Variants in MKRN1 observed in about 807,000 individuals in gnomAD.
MKRN1 encodes E3 ubiquitin-protein ligase makorin-1.
Under a neutral mutation model 55.5 loss-of-function variants are expected in MKRN1, and 9 were observed. That is an observed-to-expected ratio of 0.16 (90% CI 0.10 to 0.28). The LOEUF is 0.28. Among genes scored for constraint, MKRN1 ranks in the 10% least tolerant of loss-of-function variants. The pLI is 1.00. For synonymous variants in MKRN1, 253 were observed against 235.9 expected, an observed-to-expected ratio of 1.07 and a Z score of -0.66; for missense variants, 488 against 626.7, an observed-to-expected ratio of 0.78 and a Z score of 2.36.
chr7:140,462,195 CT>C (rs1297401083), intron 2 of MKRN1, among the ~76,000 whole-genome samples: 2 of 151,886 alleles, frequency 1.3e-5, no homozygotes, highest in African/African-American at 4.8e-5. Context: ...GCTGGTCTAA[CT>C]TTTTTTATTT....
intron 2 of MKRN1, among the ~76,000 whole-genome samples, chr7:140,466,810 C>CAAAAAAAAAAAAAAAAAAAA (rs563645827): frequency 1.1e-5 from 1 of 87,188 alleles, no homozygotes; most frequent in Non-Finnish European, 2.1e-5. Flanking sequence ...GACTCCGTCT[C>CAAAAAAAAAAAAAAAAAAAA]AAAAAAAAAA....
chr7:140,479,269 C>G lies in MKRN1; in HGVS notation c.76G>C (p.Ala26Pro), dbSNP rs917617233. 7.2e-7 allele frequency: 1 copy of G among 1,393,586 alleles called. No individual in the cohort carries two copies. The highest frequency in any genetic ancestry group is 9.3e-7 in the Non-Finnish European group (1 of 1,074,614). 86.3% of individuals were successfully genotyped at this position (1,393,586 alleles called of 1,614,324 possible). ...ACTGTGGGGATCGGGGTGGGGGAGG[C>G]TGCTGCCGCCGTCGCCGCTGCCGCT... ...AGAAAATAAA[A>P]SPTPIPTVTA... Residue 26 changes from alanine (A) to proline (P), a missense_variant, in exon 1 of 8, where the codon GCC becomes CCC. By Grantham distance (27) the Ala-to-Pro change is conservative. Coordinates refer to ENST00000255977, the MANE Select transcript of MKRN1 (RefSeq NM_013446.4).
At chr7:140,457,038 TTTTTTG>T (rs1003124428) in intron 4 of MKRN1, 172 bp from the exon 5 acceptor site, 10 of 684,856 alleles carry the variant, frequency 1.5e-5, no homozygotes, top group African/African-American at 1.3e-4. Flanking sequence ...GTGGTGTTTT[TTTTTTG>T]TTTGTTTGTT....
chr7:140,465,858 G>C (rs752680880), intron 2 of MKRN1, among the ~76,000 whole-genome samples: 1 of 152,182 alleles, frequency 6.6e-6, no homozygotes, highest in East Asian at 1.9e-4. Flanking sequence ...GAGGTGGGCG[G>C]ATCAGGAGGT....
chr7:140,467,220 T>C (rs1172487174), intron 2 of MKRN1, among the ~76,000 whole-genome samples: 1 of 152,068 alleles, frequency 6.6e-6, no homozygotes, highest in East Asian at 1.9e-4. Context: ...GTGATCCTCC[T>C]GTCTCAGCCT....
At chr7:140,471,187 C>T (rs1794912262) in intron 2 of MKRN1, among the ~76,000 whole-genome samples, 2 of 152,042 alleles carry the variant, frequency 1.3e-5, no homozygotes, top group African/African-American at 4.8e-5. Context: ...AATCTGAGAC[C>T]AGCCTACGCA....
chr7:140,459,120 C>T lies in MKRN1; in HGVS notation c.658G>A (p.Gly220Arg). 1 of 1,613,976 alleles carries T rather than the reference C, an allele frequency of 6.2e-7. No individual in the cohort carries two copies. The highest frequency in any genetic ancestry group is 8.5e-7 in the Non-Finnish European group (1 of 1,179,872). The change falls in exon 4 of 8, where the codon GGA (glycine) becomes AGA (arginine). Residue 220 changes from glycine (G) to arginine (R), a missense_variant. Gly to Arg is a moderately radical substitution (Grantham distance 125). Around this residue, in one of 2 missense-constraint regions of MKRN1, gnomAD observed 278 missense variants for 406.7 expected, o/e 0.68. Coordinates refer to ENST00000255977, the MANE Select transcript of MKRN1 (RefSeq NM_013446.4). ...CAGTTCTCCCCGTATCGGCACTCTC[C>T]CACTGCAGCATAGGGGCACAGCTGC... ...KKQLCPYAAV[G>R]ECRYGENCVY... is the part of the protein sequence containing the mutation.
At position 140,454,366 on chromosome 7, in the gene MKRN1, G is replaced by A; in HGVS notation, c.*151C>T. 7.5e-6 allele frequency: 5 copies of A among 669,748 alleles called. No homozygotes were observed. The highest frequency in any genetic ancestry group is 1.8e-5 in the African/African-American group (1 of 55,382). The allele number at this position is 669,748 out of a possible 1,614,324, so 41.5% of individuals were successfully genotyped here. A position where few individuals can be genotyped will look rare whatever the true frequency, so the allele number is the denominator to read the frequency against. ...ACACACTCCTCAGGGAAAGGTGAGG[G>A]GTTGAGAAGACAGGCCCTGGGTAAA... is the stretch of plus-strand genomic sequence containing the variant. On this transcript the variant is annotated 3_prime_UTR_variant, in exon 8 of 8. Coordinates refer to ENST00000255977, the MANE Select transcript of MKRN1 (RefSeq NM_013446.4).
At chr7:140,471,756 C>T (rs1794933410) in intron 2 of MKRN1, 127 bp downstream of exon 2, 5 of 1,310,296 alleles carry the variant, frequency 3.8e-6, no homozygotes, top group Non-Finnish European at 5.2e-6. Context: ...AGGCATGAGC[C>T]ACTGCCCAGC....
intron 2 of MKRN1, among the ~76,000 whole-genome samples, chr7:140,464,103 G>C (rs1044364017): frequency 1.3e-5 from 2 of 151,870 alleles, no homozygotes; most frequent in Non-Finnish European, 2.9e-5. Flanking sequence ...ATTTTTAGTA[G>C]AGACGGGGTT....
At chr7:140,473,960 C>G (rs1585495592) in intron 1 of MKRN1, 2 of 142,262 alleles carry the variant, frequency 1.4e-5, no homozygotes, top group South Asian at 2.3e-4. Context: ...TCACTGCACT[C>G]TAGCCTGGGC....
chr7:140,458,181 A>G lies in MKRN1; in HGVS notation c.771+826T>C, dbSNP rs537084554. Among the ~76,000 whole-genome samples the G allele has an allele frequency of 5.4e-4, 82 of 152,324 alleles. No homozygotes were observed. The South Asian group carries it at 0.017, about 32-fold the overall frequency. On this transcript the variant is annotated intron_variant, in intron 4 of 7. Transcript: ENST00000255977. ...ATTCCACTCCTAGGTAACGGAAAACATATCTTCACAGAAAAACCTATATAC... is the reference window on the plus strand; with the variant it reads ...ATTCCACTCCTAGGTAACGGAAAACGTATCTTCACAGAAAAACCTATATAC...
At chr7:140,464,675 A>G (rs1794720449) in intron 2 of MKRN1, among the ~76,000 whole-genome samples, 1 of 152,132 alleles carries the variant, frequency 6.6e-6, no homozygotes, top group Admixed American at 6.6e-5. Context: ...ATTGCACTCC[A>G]GCCTGGGCAA....
intron 4 of MKRN1, among the ~76,000 whole-genome samples, chr7:140,457,735 G>A (rs967332011): frequency 1.3e-5 from 2 of 151,990 alleles, no homozygotes; most frequent in Admixed American, 6.6e-5. Flanking sequence ...CACTGCAGAA[G>A]AGCAATGTCA....
At chr7:140,455,325 G>C (rs775089031) in intron 6 of MKRN1, 92 bp from the exon 7 acceptor site, 1 of 1,492,956 alleles carries the variant, frequency 6.7e-7, no homozygotes, top group Non-Finnish European at 9.1e-7. Context: ...GGTAGGGATA[G>C]AACCAGTATG....
chr7:140,453,895 C>CA lies in MKRN1; in HGVS notation c.*621dup, dbSNP rs1794397429. 1 of 151,576 alleles carries CA rather than the reference C, an allele frequency of 6.6e-6. No homozygotes were observed. The highest frequency in any genetic ancestry group is 2.7e-5 in the African/African-American group (1 of 37,602). The allele number at this position is 151,576 out of a possible 1,614,324, so 9.4% of individuals were successfully genotyped here. On this transcript the variant is annotated 3_prime_UTR_variant, in exon 8 of 8. Transcript: ENST00000255977. ...ACGTATTCTTTCTCAATTTTCCTAT[C>CA]ATGCAAAACAGTAAAAAATCTCAAC... is the stretch of plus-strand genomic sequence containing the variant.
intron 1 of MKRN1, chr7:140,473,451 G>T (rs1225137237): frequency 4.0e-6 from 1 of 250,972 alleles, no homozygotes; most frequent in African/African-American, 2.3e-5. Flanking sequence ...AAGGGTACAA[G>T]AGAACCAAAC....
chr7:140,454,502 C>T lies in MKRN1; in HGVS notation c.*15G>A, dbSNP rs201197588. On this transcript the variant is annotated 3_prime_UTR_variant, in exon 8 of 8. Transcript: ENST00000255977. ...TCTGAGGTCAGCAGACCAGTTCACA[C>T]GCCACGCAAGGTTGCTATAGATCCA... is the stretch of plus-strand genomic sequence containing the variant. 4.0e-5 allele frequency: 65 copies of T among 1,606,542 alleles called. No homozygotes were observed. The East Asian group carries it at 8.7e-4, about 22-fold the overall frequency.
In MKRN1 at chr7:140,464,782, C is replaced by T. The variant is rs531319074; in HGVS notation, c.315-4846G>A. ...AAAAAAAAAAAATTAGTTATTTTTA[C>T]AAGCTTTATATTTTTTGTTTTCTTT... is the stretch of plus-strand genomic sequence containing the variant. On this transcript the variant is annotated intron_variant, in intron 2 of 7. Transcript: ENST00000255977. 4.2e-4 allele frequency among the ~76,000 whole-genome samples: 64 copies of T among 151,990 alleles called. 1 individual carries two copies. Among genetic ancestry groups the T allele is most frequent in the African/African-American group, 1.4e-3 (56 of 41,444 alleles).
Sources: allele counts gnomAD v4.1 joint callset (sites outside exome capture counted in the v4.1 genomes callset), GRCh38; gene constraint gnomAD v4.1.1; regional missense constraint gnomAD v4.1.1; transcripts MANE v1.5; gene names NCBI Gene and HGNC (gene_info 2026-07-23, HGNC 2026-07-21).